NRXN1: variants seen among roughly 807,000 people sequenced by gnomAD.
The protein encoded by NRXN1 is neurexin-1.
A neutral mutation model predicts 150.9 loss-of-function variants in NRXN1; 39 were observed. That is an observed-to-expected ratio of 0.26 (90% CI 0.20 to 0.34). The LOEUF (loss-of-function observed/expected upper bound fraction) is 0.34, where lower values mean the gene tolerates loss of function less well. Among genes scored for constraint, NRXN1 ranks in the 10% least tolerant of loss-of-function variants. The pLI is 1.00. For missense variants in NRXN1, 1,815 were observed against 1,949.9 expected (o/e 0.93, Z 1.30); for synonymous variants, 924 against 757.0 (o/e 1.22, Z -3.62).
intron 19 of NRXN1, among the ~76,000 whole-genome samples, chr2:50,072,986 T>TA (rs1011167509): frequency 1.4e-4 from 22 of 152,196 alleles, no homozygotes; most frequent in African/African-American, 5.1e-4. Context: ...GCTTTTTACT[T>TA]AAAAAAATGC....
chr2:50,789,286 C>T (rs1292298139), intron 5 of NRXN1, among the ~76,000 whole-genome samples: 2 of 152,142 alleles, frequency 1.3e-5, no homozygotes, highest in Non-Finnish European at 2.9e-5. Flanking sequence ...GCCTGCAATG[C>T]TCAAACGGCT....
Position 50,460,257 on chromosome 2 carries a change from G to A in NRXN1, c.3364+5185C>T, listed in dbSNP as rs185079214. On this transcript the variant is annotated intron_variant, in intron 17 of 22. Transcript: ENST00000401669. Reference sequence around the variant, plus strand: ...TCTACACAGACAGAGTTTTAATGAAGCCAGAAAAATTAGAGCATACTAGCA... The same window carrying A: ...TCTACACAGACAGAGTTTTAATGAAACCAGAAAAATTAGAGCATACTAGCA... 5.9e-5 allele frequency among the ~76,000 whole-genome samples: 9 copies of A among 152,130 alleles called. No homozygotes were observed. The East Asian group carries it at 1.7e-3, about 29-fold the overall frequency.
chr2:50,635,469 A>T (rs948271720), intron 5 of NRXN1, among the ~76,000 whole-genome samples: 1 of 151,776 alleles, frequency 6.6e-6, no homozygotes, highest in Non-Finnish European at 1.5e-5. Context: ...CACTGCGCCG[A>T]GCCAGATTAA....
At chr2:50,051,206 G>C (rs112052525) in intron 21 of NRXN1, among the ~76,000 whole-genome samples, 1 of 151,618 alleles carries the variant, frequency 6.6e-6, no homozygotes, top group Non-Finnish European at 1.5e-5. Flanking sequence ...GCATTTCTAC[G>C]TATTTAGCTT....
rs540770980 is a variant in NRXN1, at chr2:50,668,384, G to C, written c.833-44769C>G. Among the ~76,000 whole-genome samples, 5 of 151,848 alleles carry C rather than the reference G, an allele frequency of 3.3e-5. No individual in the cohort carries two copies. The East Asian group carries it at 9.8e-4, about 30-fold the overall frequency. On this transcript the variant is annotated intron_variant, in intron 5 of 22. Coordinates refer to ENST00000401669, the MANE Select transcript of NRXN1 (RefSeq NM_001330078.2). ...TTGTTTGCTTCTTTACAGTCTACAA[G>C]CTTATTAAATCATTACTGCAATATA...
At chr2:50,671,800 A>C (rs944349802) in intron 5 of NRXN1, among the ~76,000 whole-genome samples, 14 of 151,898 alleles carry the variant, frequency 9.2e-5, no homozygotes, top group Non-Finnish European at 2.1e-4. Context: ...TTAAGCTTCT[A>C]GTAAGTATAT....
intron 21 of NRXN1, among the ~76,000 whole-genome samples, chr2:49,983,152 C>A (rs944388637): frequency 6.6e-6 from 1 of 152,062 alleles, no homozygotes; most frequent in African/African-American, 2.4e-5. Context: ...TGTAATAATA[C>A]TATTTGGGAC....
At chr2:50,988,760 T>C (rs1337491342) in intron 2 of NRXN1, among the ~76,000 whole-genome samples, 1 of 151,978 alleles carries the variant, frequency 6.6e-6, no homozygotes, top group Non-Finnish European at 1.5e-5. Flanking sequence ...CTGCTGTACC[T>C]AAGCTTCAAA....
chr2:50,948,423 T>C (rs1558473588), intron 2 of NRXN1, among the ~76,000 whole-genome samples: 1 of 152,096 alleles, frequency 6.6e-6, no homozygotes, highest in Middle Eastern at 3.4e-3. Context: ...AAAGAAGCAA[T>C]AAAAAACACA....
chr2:51,010,478 AATTT>A (rs1667671019), intron 2 of NRXN1, among the ~76,000 whole-genome samples: 1 of 151,968 alleles, frequency 6.6e-6, no homozygotes, highest in Non-Finnish European at 1.5e-5. Context: ...GCTCTACCAT[AATTT>A]ATTTAATCAA....
intron 19 of NRXN1, among the ~76,000 whole-genome samples, chr2:50,085,725 A>C (rs1480666241): frequency 6.6e-6 from 1 of 151,886 alleles, no homozygotes; most frequent in Non-Finnish European, 1.5e-5. Context: ...AATTTTTTTT[A>C]TGTGTTACTA....
intron 5 of NRXN1, among the ~76,000 whole-genome samples, chr2:50,720,674 G>T (rs1169315899): frequency 6.6e-6 from 1 of 152,172 alleles, no homozygotes; most frequent in Non-Finnish European, 1.5e-5. Context: ...GTTTCTCTGA[G>T]ATCTCCTGCA....
At chr2:50,829,272 A>ACCGTG (rs1323652976) in intron 5 of NRXN1, among the ~76,000 whole-genome samples, 1 of 149,760 alleles carries the variant, frequency 6.7e-6, no homozygotes. Flanking sequence ...GGAGAGGGAG[A>ACCGTG]GGGAGAGGGA....
intron 12 of NRXN1, among the ~76,000 whole-genome samples, chr2:50,524,889 C>T (rs532280727): frequency 6.6e-6 from 1 of 152,052 alleles, no homozygotes; most frequent in Non-Finnish European, 1.5e-5. Flanking sequence ...TACATAGAAA[C>T]ACATAGCCTA....
chr2:50,254,347 T>C (rs1332194657), intron 17 of NRXN1, among the ~76,000 whole-genome samples: 4 of 151,694 alleles, frequency 2.6e-5, no homozygotes, highest in African/African-American at 9.7e-5. Flanking sequence ...GTCTTATTAT[T>C]TTTTTTCAAA....
At chr2:50,739,386 C>T in intron 5 of NRXN1, 3 of 255,184 alleles carry the variant, frequency 1.2e-5, no homozygotes, top group Non-Finnish European at 2.5e-5. Context: ...AATACTTCTG[C>T]ACCTATCCAT....
At chr2:50,955,649 A>G (rs762122562) in intron 2 of NRXN1, among the ~76,000 whole-genome samples, 1 of 152,230 alleles carries the variant, frequency 6.6e-6, no homozygotes, top group Non-Finnish European at 1.5e-5. Context: ...CAACTCATTT[A>G]TGCCAGACAG....
In NRXN1 at chr2:50,905,986, T is replaced by G. The variant is rs537726030; in HGVS notation, c.832+15883A>C. ...ACTAGACTAAGTTTATTAAGACAAA[T>G]TTTGGAATATGTGCAGAAATATGAC... is the stretch of plus-strand genomic sequence containing the variant. On this transcript the variant is annotated intron_variant, in intron 5 of 22. Coordinates refer to ENST00000401669, the MANE Select transcript of NRXN1 (RefSeq NM_001330078.2). Among the ~76,000 whole-genome samples the G allele has an allele frequency of 5.0e-4, 76 of 152,178 alleles. No individual in the cohort carries two copies. In the South Asian group the frequency reaches 0.015, roughly 31 times the overall value.
chr2:50,258,989 T>C (rs1017649203), intron 17 of NRXN1, among the ~76,000 whole-genome samples: 1 of 152,008 alleles, frequency 6.6e-6, no homozygotes, highest in Non-Finnish European at 1.5e-5. Context: ...CTTTGCTGTT[T>C]CATTTATAGA....
Sources: gnomAD v4.1 joint callset for allele counts (sites outside exome capture counted in the v4.1 genomes callset) on GRCh38, gnomAD v4.1.1 for gene constraint, MANE v1.5 for transcripts, NCBI Gene and HGNC (gene_info 2026-07-23, HGNC 2026-07-21) for gene names.